IL1RL1: variants seen among roughly 807,000 people sequenced by gnomAD.
IL1RL1 encodes the protein interleukin-1 receptor-like 1.
A neutral mutation model predicts 50.9 loss-of-function variants in IL1RL1; 32 were observed. That is an observed-to-expected ratio of 0.63 (90% CI 0.47 to 0.84). IL1RL1 has a LOEUF of 0.84. Ranked by LOEUF, IL1RL1 falls within the 40% of genes least tolerant of loss-of-function variation. The pLI is 0.00. For synonymous variants in IL1RL1, 275 were observed against 236.0 expected, an observed-to-expected ratio of 1.17 and a Z score of -1.51; for missense variants, 773 against 662.9, an observed-to-expected ratio of 1.17 and a Z score of -1.82.
intron 1 of IL1RL1, among the ~76,000 whole-genome samples, chr2:102,331,972 G>A (rs528138324): frequency 7.9e-5 from 12 of 152,286 alleles, no homozygotes; most frequent in Admixed American, 2.6e-4. Context: ...GGAGGCTGAG[G>A]TGGGAGGATC....
At chr2:102,329,161 A>T (rs180685777) in intron 1 of IL1RL1, among the ~76,000 whole-genome samples, 1 of 152,366 alleles carries the variant, frequency 6.6e-6, no homozygotes, top group Non-Finnish European at 1.5e-5. Context: ...ATGGAACAGA[A>T]CAGAGCCCTC....
At chr2:102,314,636 AT>A (rs1676620736) in intron 1 of IL1RL1, among the ~76,000 whole-genome samples, 1 of 152,212 alleles carries the variant, frequency 6.6e-6, no homozygotes, top group Non-Finnish European at 1.5e-5. Context: ...CCATTCTATG[AT>A]TGGAACAAAG....
chr2:102,352,026 G>A lies in IL1RL1; in HGVS notation c.*105G>A, dbSNP rs1677951579. The A allele has an allele frequency of 8.7e-7, 1 of 1,144,302 alleles. No individual in the cohort carries two copies. The highest frequency in any genetic ancestry group is 1.6e-5 in the African/African-American group (1 of 63,290). The allele number at this position is 1,144,302 out of a possible 1,614,324, so 70.9% of individuals were successfully genotyped here. A position where few individuals can be genotyped will look rare whatever the true frequency, so the allele number is the denominator to read the frequency against. On this transcript the variant is annotated 3_prime_UTR_variant, in exon 11 of 11. Coordinates refer to ENST00000233954, the MANE Select transcript of IL1RL1 (RefSeq NM_016232.5). ...GTGTGAGGAGCAGGAATATTAAAGG[G>A]ATTCAGGCCTCAGGTTTCATCTGGT...
intron 1 of IL1RL1, among the ~76,000 whole-genome samples, 167 bp from the exon 2 acceptor site, chr2:102,337,949 C>G (rs1677388979): frequency 2.0e-5 from 3 of 152,190 alleles, no homozygotes; most frequent in Admixed American, 2.0e-4. Context: ...TGACCCAAAA[C>G]TTCCATAGGA....
At position 102,342,436 on chromosome 2, in the gene IL1RL1, C is replaced by A. The variant is rs1573155908; in HGVS notation, c.682+142C>A. The stretch of plus-strand genomic sequence containing the variant: ...AAGTGAGGTGACATCCCTGAAAGCA[C>A]CTGCCCCAAGCATTTGCTAATATTG... On this transcript the variant is annotated intron_variant, in intron 6 of 10. Coordinates refer to ENST00000233954, the MANE Select transcript of IL1RL1 (RefSeq NM_016232.5). 1.5e-5 allele frequency: 9 copies of A among 615,906 alleles called. No homozygotes were observed. In the South Asian group the frequency reaches 1.6e-4, roughly 11 times the overall value. 38.2% of individuals were successfully genotyped at this position (615,906 alleles called of 1,614,324 possible). A position where few individuals can be genotyped will look rare whatever the true frequency, so the allele number is the denominator to read the frequency against.
rs1196704566 is a variant in IL1RL1, at chr2:102,343,033, T to C, written c.683-3T>C. On this transcript the variant is annotated splice_polypyrimidine_tract_variant and splice_region_variant and intron_variant, in intron 6 of 10. Coordinates refer to ENST00000233954, the MANE Select transcript of IL1RL1 (RefSeq NM_016232.5). Reference sequence around the variant, plus strand: ...ATTGGTGAATGTCCTTACTCCCCTCTAGGAAAAAACGCAAACCTAACTTGC... The same window carrying C: ...ATTGGTGAATGTCCTTACTCCCCTCCAGGAAAAAACGCAAACCTAACTTGC... 5 of 1,613,346 alleles carry C rather than the reference T, an allele frequency of 3.1e-6. No individual in the cohort carries two copies. The Admixed American group carries it at 8.3e-5, about 27-fold the overall frequency.
chr2:102,345,994 T>A (rs1677771021), intron 8 of IL1RL1: 1 of 985,100 alleles, frequency 1.0e-6, no homozygotes, highest in Non-Finnish European at 1.2e-6. Context: ...TTTAATGATT[T>A]TGCTCCTTCT....
intron 1 of IL1RL1, among the ~76,000 whole-genome samples, chr2:102,313,631 C>A (rs779268614): frequency 4.6e-5 from 7 of 152,170 alleles, no homozygotes; most frequent in Non-Finnish European, 1.0e-4. Context: ...GCCCACTCCT[C>A]CATACTTCCT....
At chr2:102,348,977 A>G (rs1052699081) in intron 9 of IL1RL1, 102 bp from the exon 10 acceptor site, 3 of 838,670 alleles carry the variant, frequency 3.6e-6, no homozygotes, top group Non-Finnish European at 2.0e-6. Context: ...GATGACATAC[A>G]TTCACCAACA....
chr2:102,322,343 A>C (rs778494210), intron 1 of IL1RL1, among the ~76,000 whole-genome samples: 54 of 152,168 alleles, frequency 3.5e-4, no homozygotes, highest in Non-Finnish European at 6.3e-4. Flanking sequence ...CCTTAATCTT[A>C]TATGGAAAAA....
intron 1 of IL1RL1, among the ~76,000 whole-genome samples, chr2:102,325,262 C>T (rs546359053): frequency 2.6e-4 from 40 of 152,320 alleles, no homozygotes; most frequent in African/African-American, 9.6e-4. Context: ...GGAACTCCAG[C>T]AAACTCCAAC....
intron 1 of IL1RL1, among the ~76,000 whole-genome samples, chr2:102,311,988 T>TTAA (rs1676514815): frequency 2.1e-4 from 7 of 32,594 alleles, no homozygotes; most frequent in Admixed American, 9.7e-4. Flanking sequence ...ATAATATATA[T>TTAA]TATATATAAT....
intron 1 of IL1RL1, among the ~76,000 whole-genome samples, chr2:102,322,629 C>T (rs1227391105): frequency 6.6e-6 from 1 of 152,192 alleles, no homozygotes; most frequent in Non-Finnish European, 1.5e-5. Context: ...TGATTTTCTA[C>T]TCTTTTCTTT....
chr2:102,346,056 G>A (rs778113138), intron 8 of IL1RL1: 9 of 976,908 alleles, frequency 9.2e-6, no homozygotes, highest in Non-Finnish European at 1.1e-5. Flanking sequence ...GTTACACTCT[G>A]TTTCAGCAAC....
intron 10 of IL1RL1, among the ~76,000 whole-genome samples, chr2:102,349,732 T>C (rs1032441194): frequency 1.3e-5 from 2 of 152,220 alleles, no homozygotes; most frequent in Non-Finnish European, 2.9e-5. Context: ...AAAAGAACTA[T>C]AGCTTCTGTT....
chr2:102,343,416 G>A lies in IL1RL1; in HGVS notation c.970+1G>A. On this transcript the variant is annotated splice_donor_variant, in intron 8 of 10. Transcript: ENST00000233954. LOFTEE classifies it high-confidence loss of function. ...GTAAGACTAAGTAGGAAAAATCCAA[G>A]TAAGGAGTGTTTCTGAGACTTTGAT... 1 of 1,614,230 alleles carries A rather than the reference G, an allele frequency of 6.2e-7. No individual in the cohort carries two copies. Among genetic ancestry groups the A allele is most frequent in the Non-Finnish European group, 8.5e-7 (1 of 1,180,026 alleles).
At chr2:102,313,697 G>T (rs925268990) in intron 1 of IL1RL1, among the ~76,000 whole-genome samples, 1 of 152,214 alleles carries the variant, frequency 6.6e-6, no homozygotes, top group African/African-American at 2.4e-5. Context: ...GCAAGGATTT[G>T]GGTGATGACT....
chr2:102,314,730 G>C (rs987592767), intron 1 of IL1RL1, among the ~76,000 whole-genome samples: 8 of 152,214 alleles, frequency 5.3e-5, no homozygotes, highest in Admixed American at 2.0e-4. Flanking sequence ...TGTAGATAAA[G>C]AAAGGCAGAT....
rs2104987981 is a variant in IL1RL1 at position 102,340,844 on chromosome 2, T to G, written c.610+16T>G. ...ACGGTCAAGGGTAAGCTACTGACAT[T>G]AATGAGATAGAATACTACGTGAAAG... On this transcript the variant is annotated intron_variant, in intron 5 of 10. Transcript: ENST00000233954. The G allele has an allele frequency of 1.9e-6, 3 of 1,550,546 alleles. No individual in the cohort carries two copies. The highest frequency in any genetic ancestry group is 1.7e-4 in the Middle Eastern group (1 of 5,806).
Sources: gnomAD v4.1 joint callset for allele counts (sites outside exome capture counted in the v4.1 genomes callset) on GRCh38, gnomAD v4.1.1 for gene constraint, MANE v1.5 for transcripts, NCBI Gene and HGNC (gene_info 2026-07-23, HGNC 2026-07-21) for gene names.